The following IFT80 variants were observed in gnomAD, a reference collection of about 807,000 sequenced individuals.
IFT80 encodes the protein intraflagellar transport protein 80 homolog.
A neutral mutation model predicts 107.9 loss-of-function variants in IFT80; 79 were observed. The observed-to-expected ratio is 0.73, with a 90% CI of 0.61 to 0.88. The LOEUF (loss-of-function observed/expected upper bound fraction) is 0.88, where lower values mean the gene tolerates loss of function less well. Among genes scored for constraint, IFT80 ranks in the 40% least tolerant of loss-of-function variants. The pLI, the probability that IFT80 is intolerant of heterozygous loss-of-function variation, is 0.00. For synonymous variants in IFT80, 299 were observed against 300.9 expected, an observed-to-expected ratio of 0.99 and a Z score of 0.07; for missense variants, 797 against 914.2, an observed-to-expected ratio of 0.87 and a Z score of 1.65.
rs961383064 is a variant in IFT80 at position 160,306,613 on chromosome 3, T to G, written c.1076+1050A>C. ...AAAAAAAAACTCACATAAAATTAAATTGCCTATTTCTTTATCTACTCGCCT... is the reference window on the plus strand; with the variant it reads ...AAAAAAAAACTCACATAAAATTAAAGTGCCTATTTCTTTATCTACTCGCCT... On this transcript the variant is annotated intron_variant, in intron 10 of 19. Transcript: ENST00000326448. 2.6e-5 allele frequency among the ~76,000 whole-genome samples: 4 copies of G among 152,178 alleles called. No individual in the cohort carries two copies. The East Asian group carries it at 7.7e-4, about 29-fold the overall frequency.
chr3:160,364,024 A>T (rs921744031), intron 6 of IFT80, among the ~76,000 whole-genome samples: 2 of 151,918 alleles, frequency 1.3e-5, no homozygotes, highest in Non-Finnish European at 2.9e-5. Context: ...TAATTAAACT[A>T]GAGCTTCTGC....
At chr3:160,289,139 G>A (rs1715332354) in intron 12 of IFT80, among the ~76,000 whole-genome samples, 2 of 152,156 alleles carry the variant, frequency 1.3e-5, no homozygotes, top group Admixed American at 6.5e-5. Flanking sequence ...TAAAAAAAAT[G>A]AGATCATGTT....
intron 8 of IFT80, among the ~76,000 whole-genome samples, chr3:160,322,794 G>A (rs1433873667): frequency 3.9e-5 from 6 of 152,114 alleles, no homozygotes; most frequent in African/African-American, 1.4e-4. Context: ...CAGTGATGAT[G>A]AGCATTTTTT....
chr3:160,292,866 C>G (rs986024889), intron 12 of IFT80, among the ~76,000 whole-genome samples: 6 of 152,078 alleles, frequency 3.9e-5, no homozygotes, highest in Admixed American at 3.9e-4. Context: ...CCAGGGCTAC[C>G]ACTACAAATG....
intron 12 of IFT80, among the ~76,000 whole-genome samples, chr3:160,291,460 G>C (rs528924718): frequency 2.6e-5 from 4 of 152,324 alleles, no homozygotes; most frequent in African/African-American, 2.4e-5. Context: ...AACCACTTGA[G>C]TTGCTGCCAG....
chr3:160,276,419 T>A (rs1714271407), intron 18 of IFT80, among the ~76,000 whole-genome samples: 1 of 152,320 alleles, frequency 6.6e-6, no homozygotes, highest in East Asian at 1.9e-4. Context: ...TAAGGAAGTT[T>A]AACTAAAGAG....
intron 18 of IFT80, among the ~76,000 whole-genome samples, chr3:160,275,947 A>G (rs1714230661): frequency 7.0e-6 from 1 of 142,318 alleles, no homozygotes; most frequent in Non-Finnish European, 1.6e-5. Flanking sequence ...CTGGTCGCCC[A>G]GGCTGGAACT....
intron 4 of IFT80, among the ~76,000 whole-genome samples, chr3:160,377,136 G>T (rs1406287701): frequency 6.6e-6 from 1 of 152,204 alleles, no homozygotes; most frequent in Non-Finnish European, 1.5e-5. Flanking sequence ...ATAATGGTCA[G>T]TTAAATGAGA....
chr3:160,296,775 C>T (rs1716015471), intron 12 of IFT80, among the ~76,000 whole-genome samples: 1 of 152,100 alleles, frequency 6.6e-6, no homozygotes, highest in African/African-American at 2.4e-5. Context: ...ATTTTTAGTC[C>T]TCACTCTAAG....
At chr3:160,350,459 T>G (rs1720602085) in intron 8 of IFT80, among the ~76,000 whole-genome samples, 1 of 151,746 alleles carries the variant, frequency 6.6e-6, no homozygotes, top group African/African-American at 2.4e-5. Context: ...TTACATACTT[T>G]TTTTTAACTC....
intron 10 of IFT80, among the ~76,000 whole-genome samples, chr3:160,307,446 G>A (rs1716908530): frequency 6.6e-6 from 1 of 152,104 alleles, no homozygotes; most frequent in African/African-American, 2.4e-5. Context: ...ATTGCGCCTC[G>A]CTTGTCTATT....
chr3:160,296,866 C>T (rs916922941), intron 12 of IFT80, among the ~76,000 whole-genome samples: 2 of 152,156 alleles, frequency 1.3e-5, no homozygotes, highest in African/African-American at 4.8e-5. Flanking sequence ...ATGTGGGCTA[C>T]ACATAACATT....
At chr3:160,317,001 A>C (rs1027530763) in intron 9 of IFT80, among the ~76,000 whole-genome samples, 1 of 152,158 alleles carries the variant, frequency 6.6e-6, no homozygotes, top group Non-Finnish European at 1.5e-5. Context: ...AAGAATCAAT[A>C]AATTTCCTTT....
chr3:160,347,732 C>T (rs191887153), intron 8 of IFT80, among the ~76,000 whole-genome samples: 3 of 152,234 alleles, frequency 2.0e-5, no homozygotes, highest in African/African-American at 7.2e-5. Flanking sequence ...TAAACATGAT[C>T]CTTCTTCTCC....
chr3:160,360,369 T>C (rs1721404828), intron 6 of IFT80, among the ~76,000 whole-genome samples: 2 of 152,108 alleles, frequency 1.3e-5, no homozygotes, highest in Admixed American at 1.3e-4. Context: ...AAAGACCAAA[T>C]CTACATTTGA....
intron 5 of IFT80, chr3:160,373,405 A>G (rs578172947): frequency 6.6e-6 from 1 of 152,328 alleles, no homozygotes; most frequent in East Asian, 1.9e-4. Flanking sequence ...CTCATTATAC[A>G]GGAAAACTAT....
intron 8 of IFT80, among the ~76,000 whole-genome samples, chr3:160,334,563 C>T (rs1333591478): frequency 6.6e-6 from 1 of 152,044 alleles, no homozygotes; most frequent in Non-Finnish European, 1.5e-5. Context: ...ACTACAGGCA[C>T]CTGCCAGCAT....
At position 160,359,257 on chromosome 3, in the gene IFT80, G is replaced by A. The variant is rs569850730; in HGVS notation, c.550-1679C>T. Among the ~76,000 whole-genome samples, 410 of 152,282 alleles carry A rather than the reference G, an allele frequency of 2.7e-3. 4 individuals carry two copies. The highest frequency in any genetic ancestry group is 8.7e-3 in the African/African-American group (363 of 41,564). On this transcript the variant is annotated intron_variant, in intron 6 of 19. Transcript: ENST00000326448. ...ATTCACTCTACTACCTCCTGGCCCA[G>A]AGGTTCTACTGAACCACTAAGCCAT... is the stretch of plus-strand genomic sequence containing the variant.
Position 160,381,557 on chromosome 3 carries a change from A to G in IFT80, c.205T>C (p.Leu69=), listed in dbSNP as rs756310287. The G allele has an allele frequency of 6.2e-7, 1 of 1,613,850 alleles. No homozygotes were observed. Among genetic ancestry groups the G allele is most frequent in the South Asian group, 1.1e-5 (1 of 91,068 alleles). Residue 69 remains leucine (L), a synonymous_variant, in exon 3 of 20, where the codon TTG becomes CTG. Coordinates refer to ENST00000326448, the MANE Select transcript of IFT80 (RefSeq NM_020800.3). ...PIDFHWFPKS[L]GVKKQTQAES... ...GCCTGGGTTTGTTTCTTTACACCCA[A>G]ACTTTTTGGAAACCAGTGAAAATCA...
Sources: gnomAD v4.1 joint callset for allele counts (sites outside exome capture counted in the v4.1 genomes callset) on GRCh38, gnomAD v4.1.1 for gene constraint, MANE v1.5 for transcripts, NCBI Gene and HGNC (gene_info 2026-07-23, HGNC 2026-07-21) for gene names.